SRFBP1: variants seen among roughly 807,000 people sequenced by gnomAD.
SRFBP1 encodes the protein serum response factor binding protein 1.
SRFBP1 carries 47 observed loss-of-function variants against 45.5 expected under a neutral mutation model. The ratio of observed to expected loss-of-function variants is 1.03; its 90% confidence interval spans 0.82 to 1.32. SRFBP1 has a LOEUF of 1.32. Among genes scored for constraint, SRFBP1 ranks in the 40% most tolerant of loss-of-function variants. The pLI, the probability that SRFBP1 is intolerant of heterozygous loss-of-function variation, is 0.00. For synonymous variants in SRFBP1, 203 were observed against 166.3 expected (o/e 1.22, Z -1.70); for missense variants, 621 against 484.6 (o/e 1.28, Z -2.64).
intron 4 of SRFBP1, among the ~76,000 whole-genome samples, chr5:122,003,074 C>T (rs1448403661): frequency 2.0e-5 from 3 of 152,010 alleles, no homozygotes; most frequent in African/African-American, 7.2e-5. Context: ...CTGGGCATGG[C>T]GGCTCACCCT....
At chr5:122,015,101 T>C (rs1473161484) in intron 4 of SRFBP1, among the ~76,000 whole-genome samples, 1 of 152,240 alleles carries the variant, frequency 6.6e-6, no homozygotes, top group East Asian at 1.9e-4. Flanking sequence ...AAGCTGCTCC[T>C]GGAATATCTT....
chr5:122,050,736 A>G (rs1753959154), intron 2 of SRFBP1, among the ~76,000 whole-genome samples: 1 of 151,974 alleles, frequency 6.6e-6, no homozygotes, highest in Admixed American at 6.6e-5. Context: ...TGATTTTTTA[A>G]TGTCTCAATT....
rs966361845 is a variant in SRFBP1, at chr5:122,028,540, G to T, written c.*1414G>T. ...AAGAATTGCTTGAACCTGGGAGGTG[G>T]AGGTTGCAGTGAGCCAAGATTGCAC... On this transcript the variant is annotated 3_prime_UTR_variant, in exon 8 of 8. Transcript: ENST00000339397. 4 of 151,898 alleles carry T rather than the reference G, an allele frequency of 2.6e-5. No homozygotes were observed. Among genetic ancestry groups the T allele is most frequent in the African/African-American group, 9.7e-5 (4 of 41,312 alleles). 9.4% of individuals were successfully genotyped at this position (151,898 alleles called of 1,614,324 possible).
chr5:122,044,148 G>A (rs1243219002), intron 2 of SRFBP1, among the ~76,000 whole-genome samples: 8 of 152,064 alleles, frequency 5.3e-5, no homozygotes, highest in Admixed American at 4.6e-4. Context: ...TAGGATAATG[G>A]CCTCCAGCTC....
chr5:122,030,560 C>T (rs533201993), downstream of SRFBP1, among the ~76,000 whole-genome samples: 1 of 150,150 alleles, frequency 6.7e-6, no homozygotes, highest in East Asian at 1.9e-4. Context: ...ATGAGATAAG[C>T]TTTTTCCCAG....
At chr5:121,987,425 C>G (rs973204586) in intron 3 of SRFBP1, among the ~76,000 whole-genome samples, 5 of 152,096 alleles carry the variant, frequency 3.3e-5, no homozygotes, top group Admixed American at 2.0e-4. Flanking sequence ...GAAGTTTCAT[C>G]TAGAACTGTA....
chr5:122,016,021 A>G (rs1753187869), intron 4 of SRFBP1, among the ~76,000 whole-genome samples: 1 of 152,140 alleles, frequency 6.6e-6, no homozygotes, highest in Non-Finnish European at 1.5e-5. Context: ...TGTGACTGTG[A>G]GTCATGTACT....
intron 2 of SRFBP1, among the ~76,000 whole-genome samples, chr5:122,067,915 G>C (rs906229061): frequency 1.3e-5 from 2 of 151,944 alleles, no homozygotes; most frequent in African/African-American, 2.4e-5. Flanking sequence ...CCTCTCCTCT[G>C]TCTGAACTCT....
rs146652748 is a variant in SRFBP1 at position 122,074,772 on chromosome 5, A to G, written n.312-543A>G. ...TTAAATGGAAGGTGCTGAGCTGTTCATCTTCCCACATAAGGAAAAAACAAT... is the reference window on the plus strand; with the variant it reads ...TTAAATGGAAGGTGCTGAGCTGTTCGTCTTCCCACATAAGGAAAAAACAAT... On this transcript the variant is annotated intron_variant and non_coding_transcript_variant, in intron 2 of 2. Coordinates refer to the SRFBP1 transcript ENST00000504881. Among the ~76,000 whole-genome samples the G allele has an allele frequency of 3.2e-3, 484 of 152,312 alleles. 6 individuals are homozygous for G. Among genetic ancestry groups the G allele is most frequent in the African/African-American group, 0.011 (462 of 41,562 alleles).
chr5:122,060,705 A>C (rs1176795269), intron 2 of SRFBP1, among the ~76,000 whole-genome samples: 1 of 139,428 alleles, frequency 7.2e-6, no homozygotes, highest in Non-Finnish European at 1.6e-5. Context: ...TTGCATCTTC[A>C]TGAAACCTCA....
chr5:122,020,537 A>G lies in SRFBP1; in HGVS notation c.802A>G (p.Arg268Gly). 6.2e-7 allele frequency: 1 copy of G among 1,614,156 alleles called. No individual in the cohort carries two copies. The highest frequency in any genetic ancestry group is 1.1e-5 in the South Asian group (1 of 91,086). The stretch of plus-strand genomic sequence containing the variant: ...ATATTTTGATGATAGCACAGAAGAA[A>G]GGTTTTACAAGCAGTCTTCCATGTC... ...KEYFDDSTEERFYKQSSMSED... is the reference protein window; with the variant it reads ...KEYFDDSTEEGFYKQSSMSED... The change falls in exon 6 of 8, where the codon AGG (arginine) becomes GGG (glycine). Residue 268 changes from arginine (R) to glycine (G), a missense_variant. Coordinates refer to ENST00000339397, the MANE Select transcript of SRFBP1 (RefSeq NM_152546.3).
intron 2 of SRFBP1, among the ~76,000 whole-genome samples, chr5:122,034,136 T>C (rs1412897520): frequency 1.3e-5 from 2 of 152,202 alleles, no homozygotes; most frequent in Non-Finnish European, 2.9e-5. Context: ...TTTTTAGCCT[T>C]TCTAAATAAT....
At chr5:122,077,466 G>A (rs757597953), downstream of SRFBP1, 2 of 1,614,060 alleles carry the variant, frequency 1.2e-6, no homozygotes, top group South Asian at 2.2e-5. This position sits in a 1 kb window ranked among gnomAD's most constrained non-coding sequence, Gnocchi z 4.9. Flanking sequence ...TACTTGTAGG[G>A]GTTGTAAGGG....
intron 2 of SRFBP1, among the ~76,000 whole-genome samples, chr5:122,062,515 C>A (rs1417320694): frequency 6.6e-6 from 1 of 152,002 alleles, no homozygotes; most frequent in African/African-American, 2.4e-5. Context: ...GCTGATGAGA[C>A]AAAGGAAATC....
At chr5:122,015,736 A>T (rs1243568681) in intron 4 of SRFBP1, among the ~76,000 whole-genome samples, 2 of 152,246 alleles carry the variant, frequency 1.3e-5, no homozygotes, top group African/African-American at 4.8e-5. Flanking sequence ...TAAAAGTGGC[A>T]GTACTCTATT....
chr5:121,966,128 G>T (rs1162085244), intron 1 of SRFBP1, among the ~76,000 whole-genome samples: 1 of 152,120 alleles, frequency 6.6e-6, no homozygotes, highest in African/African-American at 2.4e-5. Context: ...CATGTCTTCT[G>T]CAAATAGAGA....
Position 122,075,287 on chromosome 5 carries a change from A to G in SRFBP1, n.312-28A>G. 3.3e-6 allele frequency: 3 copies of G among 906,966 alleles called. No individual in the cohort carries two copies. In the Admixed American group the frequency reaches 8.2e-5, roughly 25 times the overall value. The allele number at this position is 906,966 out of a possible 1,614,324, so 56.2% of individuals were successfully genotyped here. A position where few individuals can be genotyped will look rare whatever the true frequency, so the allele number is the denominator to read the frequency against. The stretch of plus-strand genomic sequence containing the variant: ...AATTACATAGAGAAAAATTCTAAAT[A>G]TAAGTAATAGCAATTTTCTCCCTTC... On this transcript the variant is annotated intron_variant and non_coding_transcript_variant, in intron 2 of 2. Transcript: ENST00000504881.
intron 4 of SRFBP1, among the ~76,000 whole-genome samples, chr5:122,002,178 A>T (rs1347329501): frequency 1.3e-5 from 2 of 152,210 alleles, no homozygotes; most frequent in Non-Finnish European, 2.9e-5. Flanking sequence ...TCCCCATTGT[A>T]TAAAGTAGGA....
At chr5:121,984,663 G>T (rs866262777) in intron 3 of SRFBP1, among the ~76,000 whole-genome samples, 1 of 151,754 alleles carries the variant, frequency 6.6e-6, no homozygotes, top group Admixed American at 6.6e-5. Flanking sequence ...TAATTTTTAA[G>T]AATTTGAATT....
Sources: allele counts gnomAD v4.1 joint callset (sites outside exome capture counted in the v4.1 genomes callset), GRCh38; gene constraint gnomAD v4.1.1; non-coding constraint Gnocchi (gnomAD v3.1); transcripts MANE v1.5; gene names NCBI Gene and HGNC (gene_info 2026-07-23, HGNC 2026-07-21).